The following ARMC2 variants were observed in gnomAD, a reference collection of about 807,000 sequenced individuals.
ARMC2 encodes armadillo repeat-containing protein 2.
ARMC2 carries 67 observed loss-of-function variants against 90.3 expected under a neutral mutation model. The observed-to-expected ratio is 0.74, with a 90% CI of 0.61 to 0.91. ARMC2 has a LOEUF of 0.91. ARMC2 is among the 40% of genes least tolerant of loss of function. The pLI is 0.00. For missense variants in ARMC2, 920 were observed against 1,030.9 expected (o/e 0.89, Z 1.47); for synonymous variants, 393 against 393.0 (o/e 1.00, Z 0.00).
the ARMC2 span, among the ~76,000 whole-genome samples, chr6:109,048,332 C>T: frequency 1.3e-5 from 2 of 151,996 alleles, no homozygotes; most frequent in Non-Finnish European, 2.9e-5. Flanking sequence ...TTCATTCCTC[C>T]ACCTCCCTTG....
At chr6:108,927,639 G>A (rs1450363509) in intron 10 of ARMC2, among the ~76,000 whole-genome samples, 3 of 150,284 alleles carry the variant, frequency 2.0e-5, no homozygotes, top group Non-Finnish European at 3.0e-5. Context: ...AATATTCCTT[G>A]GCCACATCAT....
chr6:108,927,989 T>C (rs1299180712), intron 10 of ARMC2, 99 bp from the exon 11 acceptor site: 31 of 1,235,486 alleles, frequency 2.5e-5, no homozygotes, highest in Non-Finnish European at 3.2e-5. Flanking sequence ...GCTTAGCTAC[T>C]GATATAAGGA....
At chr6:108,926,706 C>T (rs1324294240) in intron 10 of ARMC2, among the ~76,000 whole-genome samples, 1 of 151,112 alleles carries the variant, frequency 6.6e-6, no homozygotes, top group Non-Finnish European at 1.5e-5. Flanking sequence ...GCCTGGATGA[C>T]AAAGAGAGAC....
chr6:108,943,162 G>A (rs891353792), intron 12 of ARMC2, among the ~76,000 whole-genome samples: 5 of 152,140 alleles, frequency 3.3e-5, no homozygotes, highest in Non-Finnish European at 5.9e-5. Flanking sequence ...TACATGAGAA[G>A]ATACCAAAAG....
the ARMC2 span, among the ~76,000 whole-genome samples, chr6:109,023,205 T>C: frequency 6.6e-6 from 1 of 152,244 alleles, no homozygotes; most frequent in Non-Finnish European, 1.5e-5. Flanking sequence ...CCAACTTTCT[T>C]GATTCCATTT....
At chr6:108,970,394 A>G (rs1778678209) in intron 17 of ARMC2, among the ~76,000 whole-genome samples, 1 of 152,048 alleles carries the variant, frequency 6.6e-6, no homozygotes, top group Non-Finnish European at 1.5e-5. Flanking sequence ...AGGGACTATG[A>G]CATGCCCAGG....
At chr6:108,977,811 G>A (rs182729066), downstream of ARMC2, among the ~76,000 whole-genome samples, 83 of 152,214 alleles carry the variant, frequency 5.5e-4, 2 homozygotes, top group Non-Finnish European at 8.5e-4. Context: ...ATTCTGTGAT[G>A]GTAGTTTGTA....
At chr6:109,009,342 GC>G in the ARMC2 span, 1 of 1,467,942 alleles carries the variant, frequency 6.8e-7, no homozygotes, top group Non-Finnish European at 9.0e-7. Flanking sequence ...GGCCCGCTCA[GC>G]CCCTCGCCCA....
At chr6:108,937,339 C>T (rs1434633070) in intron 12 of ARMC2, among the ~76,000 whole-genome samples, 5 of 152,210 alleles carry the variant, frequency 3.3e-5, no homozygotes, top group African/African-American at 7.2e-5. Context: ...GGGTTATTTC[C>T]GTAATGGTTA....
the ARMC2 span, among the ~76,000 whole-genome samples, chr6:108,980,469 C>G: frequency 1.3e-5 from 2 of 149,916 alleles, no homozygotes; most frequent in Non-Finnish European, 3.0e-5. Context: ...ACGCGGGTGG[C>G]CAGGGAACCA....
At chr6:109,009,886 C>T in the ARMC2 span, among the ~76,000 whole-genome samples, 2 of 152,168 alleles carry the variant, frequency 1.3e-5, no homozygotes, top group Admixed American at 1.3e-4. Flanking sequence ...GGCCATTTAC[C>T]TAGAACCAAA....
At chr6:109,026,745 C>T in the ARMC2 span, among the ~76,000 whole-genome samples, 5 of 152,172 alleles carry the variant, frequency 3.3e-5, no homozygotes, top group South Asian at 6.2e-4. Context: ...CCTCATGATC[C>T]GCCCGCCTCA....
chr6:109,034,430 T>C, the ARMC2 span, among the ~76,000 whole-genome samples: 116 of 152,334 alleles, frequency 7.6e-4, no homozygotes, highest in East Asian at 7.9e-3. Flanking sequence ...ATATTGAATA[T>C]TATCTCTTAT....
rs1778018500 is a variant in ARMC2, at chr6:108,961,781, A to ATCT, written c.2038+91_2038+93dup. ...TAAACACAGAGCAGGAGACATTACT[A>ATCT]TCTTCTGCCTTCTGGTACAGAAATG... On this transcript the variant is annotated intron_variant, in intron 14 of 17. Coordinates refer to ENST00000392644, the MANE Select transcript of ARMC2 (RefSeq NM_032131.6). 38 of 1,382,808 alleles carry ATCT rather than the reference A, an allele frequency of 2.7e-5. 2 individuals carry two copies. The South Asian group carries it at 4.8e-4, about 18-fold the overall frequency. The allele number at this position is 1,382,808 out of a possible 1,614,324, so 85.7% of individuals were successfully genotyped here.
chr6:108,862,020 ACCT>A (rs1418414631), intron 3 of ARMC2, among the ~76,000 whole-genome samples: 1 of 152,050 alleles, frequency 6.6e-6, no homozygotes, highest in Non-Finnish European at 1.5e-5. Flanking sequence ...AAATTTCCAT[ACCT>A]CTGAATGGTT....
At chr6:108,970,498 T>TC (rs1265741848) in intron 17 of ARMC2, among the ~76,000 whole-genome samples, 255 of 106,454 alleles carry the variant, frequency 2.4e-3, no homozygotes, top group Non-Finnish European at 3.7e-3. Flanking sequence ...TCTTTTCTTT[T>TC]TTTTTTTTTT....
intron 7 of ARMC2, among the ~76,000 whole-genome samples, chr6:108,900,512 G>A (rs560306444): frequency 5.9e-5 from 9 of 152,228 alleles, no homozygotes; most frequent in Admixed American, 5.2e-4. Flanking sequence ...TGCACAGTAA[G>A]CCTTTGCTAG....
intron 2 of ARMC2, among the ~76,000 whole-genome samples, chr6:108,855,931 A>C (rs1446087336): frequency 6.9e-6 from 1 of 143,910 alleles, no homozygotes; most frequent in South Asian, 2.2e-4. Context: ...TTTAAGAATT[A>C]TTTATGTATT....
At chr6:109,041,641 C>G in the ARMC2 span, among the ~76,000 whole-genome samples, 32 of 151,902 alleles carry the variant, frequency 2.1e-4, no homozygotes, top group South Asian at 6.7e-3. Context: ...TTAAACCCAC[C>G]AAGAATATAT....
Sources: allele counts gnomAD v4.1 joint callset (sites outside exome capture counted in the v4.1 genomes callset), GRCh38; gene constraint gnomAD v4.1.1; transcripts MANE v1.5; gene names NCBI Gene and HGNC (gene_info 2026-07-23, HGNC 2026-07-21).